POF1B: variants seen among roughly 807,000 people sequenced by gnomAD.
POF1B encodes POF1B actin binding protein, also known as protein POF1B.
POF1B carries 53 observed loss-of-function variants against 55.3 expected under a neutral mutation model. The observed-to-expected ratio is 0.96, with a 90% CI of 0.77 to 1.20. The LOEUF (loss-of-function observed/expected upper bound fraction) is 1.20. Ranked by LOEUF, POF1B falls within the 50% of genes most tolerant of loss-of-function variation. The pLI is 0.00. For missense variants in POF1B, 478 were observed against 420.5 expected (o/e 1.14, Z -1.20); for synonymous variants, 188 against 148.3 (o/e 1.27, Z -1.95).
At chrX:85,317,640 A>G (rs371735901) in intron 7 of POF1B, among the ~76,000 whole-genome samples, 78 of 110,403 alleles carry the variant, frequency 7.1e-4, no homozygotes, top group African/African-American at 2.0e-3. Flanking sequence ...TTTGCTTGTA[A>G]ATTGTCAAAA....
intron 7 of POF1B, among the ~76,000 whole-genome samples, chrX:85,317,373 C>G (rs1182520983): frequency 3.7e-5 from 4 of 109,509 alleles, no homozygotes. Flanking sequence ...AATGGCTGAA[C>G]TAGTTTAGAT....
intron 5 of POF1B, among the ~76,000 whole-genome samples, chrX:85,348,125 T>G (rs1011989298): frequency 9.0e-6 from 1 of 111,317 alleles, no homozygotes; most frequent in Non-Finnish European, 1.9e-5. Context: ...GTCTCTTGAA[T>G]AGAACACTGA....
At chrX:85,372,772 A>T (rs1461697962) in intron 2 of POF1B, among the ~76,000 whole-genome samples, 1 of 101,501 alleles carries the variant, frequency 9.9e-6, no homozygotes, top group Non-Finnish European at 2.0e-5. Flanking sequence ...TATTATATAT[A>T]CTATATATAT....
intron 2 of POF1B, among the ~76,000 whole-genome samples, chrX:85,374,906 C>T (rs905989301): frequency 8.9e-6 from 1 of 112,006 alleles, no homozygotes; most frequent in Non-Finnish European, 1.9e-5. Context: ...AATAATCTCT[C>T]TTTAGATGAA....
rs1449552369 is a variant in POF1B at position 85,305,820 on chromosome X, C to G, written c.1408G>C (p.Glu470Gln). 1.1e-5 allele frequency: 13 copies of G among 1,209,554 alleles called. No homozygotes were observed. The highest frequency in any genetic ancestry group is 1.3e-5 in the Non-Finnish European group (12 of 894,141). Reference protein sequence around the residue: ...YTEMVKNLRMEKDREICRLRS... With the variant: ...YTEMVKNLRMQKDREICRLRS... ...AGTCTGCAGATCTCTCTATCTTTCT[C>G]CATTCTCAAGTTTTTTACCATCTCC... The change falls in exon 13 of 17, where the codon GAG becomes CAG. Residue 470 changes from glutamate (E) to glutamine (Q), a missense_variant. Physicochemically the swap from Glu to Gln is conservative, Grantham distance 29. Transcript: ENST00000262753.
intron 6 of POF1B, among the ~76,000 whole-genome samples, chrX:85,339,425 A>T (rs1038003745): frequency 9.0e-6 from 1 of 111,286 alleles, no homozygotes; most frequent in Admixed American, 9.6e-5. Flanking sequence ...AGAGGTCCAG[A>T]TGAAAGAAGG....
In POF1B at chrX:85,329,796, G is replaced by T. The variant is rs760648986; in HGVS notation, c.854+1153C>A. Among the ~76,000 whole-genome samples the T allele has an allele frequency of 2.1e-3, 232 of 108,876 alleles. 1 individual carries two copies. The highest frequency in any genetic ancestry group is 4.8e-3 in the Middle Eastern group (1 of 208). 94.5% of individuals were successfully genotyped at this position (108,876 alleles called of 115,157 possible). The stretch of plus-strand genomic sequence containing the variant: ...TATGAAAGCAAGAAAAATCAAGTGG[G>T]AGGGAGCTAATAGATGGAGAAAAGA... On this transcript the variant is annotated intron_variant, in intron 7 of 16. Transcript: ENST00000262753.
At chrX:85,358,695 A>T (rs1933550723) in intron 4 of POF1B, among the ~76,000 whole-genome samples, 1 of 111,000 alleles carries the variant, frequency 9.0e-6, no homozygotes, top group Admixed American at 9.6e-5. Context: ...TATTTTAATG[A>T]CAGGAAAAAG....
chrX:85,326,524 C>T (rs748012678), intron 7 of POF1B, among the ~76,000 whole-genome samples: 1 of 109,100 alleles, frequency 9.2e-6, no homozygotes, highest in Admixed American at 9.8e-5. Context: ...GTCTCTGAGC[C>T]GGCGAATGCT....
intron 6 of POF1B, among the ~76,000 whole-genome samples, chrX:85,334,614 A>C (rs1207673936): frequency 3.6e-5 from 4 of 111,247 alleles, no homozygotes; most frequent in Admixed American, 1.9e-4. Flanking sequence ...CTCAAGGCAA[A>C]GCAACAATGC....
At chrX:85,339,504 G>A (rs1426908022) in intron 6 of POF1B, among the ~76,000 whole-genome samples, 1 of 111,381 alleles carries the variant, frequency 9.0e-6, no homozygotes, top group African/African-American at 3.3e-5. Context: ...ATCAAGAATA[G>A]AATAGATTAG....
intron 2 of POF1B, among the ~76,000 whole-genome samples, chrX:85,368,159 A>G (rs1047411207): frequency 1.8e-5 from 2 of 112,161 alleles, no homozygotes; most frequent in Non-Finnish European, 3.8e-5. Context: ...TATAAATTTA[A>G]GGAGTACAAG....
intron 16 of POF1B, among the ~76,000 whole-genome samples, chrX:85,280,084 C>T (rs1266992383): frequency 1.8e-5 from 2 of 111,181 alleles, no homozygotes; most frequent in Non-Finnish European, 3.8e-5. Flanking sequence ...TTTGGGATTA[C>T]TAAACATTGG....
At chrX:85,350,942 T>C (rs1453277362) in intron 5 of POF1B, among the ~76,000 whole-genome samples, 3 of 111,814 alleles carry the variant, frequency 2.7e-5, no homozygotes, top group Non-Finnish European at 5.7e-5. Context: ...ATATGGTATT[T>C]CACATATCTG....
chrX:85,373,055 G>T (rs897324535), intron 2 of POF1B, among the ~76,000 whole-genome samples: 1 of 110,412 alleles, frequency 9.1e-6, no homozygotes, highest in African/African-American at 3.3e-5. Flanking sequence ...AAACTAGAGG[G>T]AAAACTATTT....
At chrX:85,314,207 C>T (rs1267192006) in intron 9 of POF1B, among the ~76,000 whole-genome samples, 4 of 111,164 alleles carry the variant, frequency 3.6e-5, no homozygotes, top group Non-Finnish European at 7.6e-5. Context: ...GGGCATTCTA[C>T]AGAAGGGAAT....
At chrX:85,336,487 G>C (rs1165348800) in intron 6 of POF1B, among the ~76,000 whole-genome samples, 5 of 110,490 alleles carry the variant, frequency 4.5e-5, no homozygotes, top group Non-Finnish European at 9.5e-5. Flanking sequence ...CTGTCTTTTA[G>C]ATAAAATCCA....
intron 9 of POF1B, among the ~76,000 whole-genome samples, chrX:85,313,603 C>T (rs974429608): frequency 3.6e-5 from 4 of 111,251 alleles, no homozygotes; most frequent in East Asian, 5.7e-4. Flanking sequence ...ATTTTTGCAT[C>T]GACGTTCATC....
intron 6 of POF1B, among the ~76,000 whole-genome samples, 197 bp downstream of exon 6, chrX:85,345,663 C>T (rs1270733203): frequency 9.0e-6 from 1 of 111,143 alleles, no homozygotes; most frequent in African/African-American, 3.3e-5. Context: ...GATTTAATGT[C>T]TTAATCGACC....
Sources: gnomAD v4.1 joint callset for allele counts (sites outside exome capture counted in the v4.1 genomes callset) on GRCh38, gnomAD v4.1.1 for gene constraint, MANE v1.5 for transcripts, NCBI Gene and HGNC (gene_info 2026-07-23, HGNC 2026-07-21) for gene names.